CCDC27: variants seen among roughly 807,000 people sequenced by gnomAD.
The protein encoded by CCDC27 is coiled-coil domain-containing protein 27.
A neutral mutation model predicts 80.3 loss-of-function variants in CCDC27; 80 were observed. The ratio of observed to expected loss-of-function variants is 1.00; its 90% CI spans 0.83 to 1.20. The LOEUF (loss-of-function observed/expected upper bound fraction) is 1.20, where lower values mean the gene tolerates loss of function less well. Among genes scored for constraint, CCDC27 ranks in the 50% most tolerant of loss-of-function variants. The pLI is 0.00. For synonymous variants in CCDC27, 342 were observed against 334.3 expected (o/e 1.02, Z -0.25); for missense variants, 815 against 809.4 (o/e 1.01, Z -0.08).
At position 3,766,877 on chromosome 1, in the gene CCDC27, C is replaced by G. The variant is rs1021300479; in HGVS notation, c.1530+265C>G. Among the ~76,000 whole-genome samples the G allele has an allele frequency of 6.8e-6, 1 of 147,184 alleles. No individual in the cohort carries two copies. Among genetic ancestry groups the G allele is most frequent in the Non-Finnish European group, 1.5e-5 (1 of 67,102 alleles). On this transcript the variant is annotated intron_variant, in intron 9 of 11. Transcript: ENST00000294600. The surrounding 1 kb of genome is among the most constrained non-coding windows in gnomAD (Gnocchi z 6.1). ...TTTTTTTTGAGACAGAGTCCTGCTC[C>G]GTCACCAGGCTGGAGTGCAGTGGTG...
chr1:3,763,228 G>A lies in CCDC27; in HGVS notation c.1075G>A (p.Val359Met). The part of the protein sequence containing the change: ...GVEDTGAWGG[V>M]SQMGSVHEEG... ...GGAGGACACGGGTGCCTGGGGAGGTGTGAGCCAGATGGGATCCGTGCATGA... is the reference window on the plus strand; with the variant it reads ...GGAGGACACGGGTGCCTGGGGAGGTATGAGCCAGATGGGATCCGTGCATGA... The change falls in exon 7 of 12, where the codon GTG becomes ATG. Residue 359 changes from valine to methionine, a missense_variant. By Grantham distance (21) the Val-to-Met change is conservative (BLOSUM62 1). Coordinates refer to ENST00000294600, the MANE Select transcript of CCDC27 (RefSeq NM_152492.3). This position sits in a 1 kb window ranked among gnomAD's most constrained non-coding sequence, Gnocchi z 7.5. 5 of 1,549,436 alleles carry A rather than the reference G, an allele frequency of 3.2e-6. No homozygotes were observed. The highest frequency in any genetic ancestry group is 4.4e-6 in the Non-Finnish European group (5 of 1,144,944).
Position 3,762,659 on chromosome 1 carries a change from A to G in CCDC27, c.901A>G (p.Ser301Gly). ...SDASLKLGRL[S>G]LLKAFSRHEE... ...CGCTTCGCTGAAGCTGGGCAGGCTG[A>G]GCCTCCTGAAGGCCTTCTCCAGACA... Residue 301 changes from serine (S) to glycine (G), a missense_variant, in exon 6 of 12, where the codon AGC becomes GGC. Coordinates refer to ENST00000294600, the MANE Select transcript of CCDC27 (RefSeq NM_152492.3). 1 of 1,550,184 alleles carries G rather than the reference A, an allele frequency of 6.5e-7. No individual in the cohort carries two copies. The highest frequency in any genetic ancestry group is 8.7e-7 in the Non-Finnish European group (1 of 1,146,788).
At chr1:3,754,088 TTGTC>T (rs149705892) in intron 1 of CCDC27, 26 bp from the exon 2 acceptor site, 63,848 of 1,608,896 alleles carry the variant, frequency 0.04, 2,244 homozygotes, top group East Asian at 0.18. Context: ...GGGGCCTTCC[TTGTC>T]TGTCTTACTT....
chr1:3,763,983 G>A lies in CCDC27; in HGVS notation c.1452+147G>A, dbSNP rs1218341241. The A allele has an allele frequency of 1.5e-6, 2 of 1,371,326 alleles. No homozygotes were observed. Among genetic ancestry groups the A allele is most frequent in the Non-Finnish European group, 1.9e-6 (2 of 1,032,392 alleles). The allele number at this position is 1,371,326 out of a possible 1,614,324, so 84.9% of individuals were successfully genotyped here. On this transcript the variant is annotated intron_variant, in intron 8 of 11. Coordinates refer to ENST00000294600, the MANE Select transcript of CCDC27 (RefSeq NM_152492.3). The surrounding 1 kb of genome is among the most constrained non-coding windows in gnomAD (Gnocchi z 7.5). ...GTGTCCAGGCAGCTGGCCCAGGGTT[G>A]TGCGGCTGATAGCGGCCCCGCTAGG...
chr1:3,761,253 C>A lies in CCDC27; in HGVS notation c.712-28C>A, dbSNP rs750926114. On this transcript the variant is annotated intron_variant, in intron 4 of 11. Transcript: ENST00000294600. The surrounding 1 kb of genome is among the most constrained non-coding windows in gnomAD (Gnocchi z 5.0). ...GAAGAGTGTGTGGCTGCATGGCCCA[C>A]GGGGGCTGCCCTTGGTTTTCTGCCC... is the stretch of plus-strand genomic sequence containing the variant. 3.7e-6 allele frequency: 6 copies of A among 1,609,196 alleles called. No individual in the cohort carries two copies. Among genetic ancestry groups the A allele is most frequent in the Non-Finnish European group, 5.1e-6 (6 of 1,177,378 alleles).
rs572082866 is a variant in CCDC27, at chr1:3,760,993, G to C, written c.712-288G>C. ...ACACACCACGGGCCAGGTCCGAAAG[G>C]GAAGCTGCCTTGCAACTCCTCGGAC... On this transcript the variant is annotated intron_variant, in intron 4 of 11. Transcript: ENST00000294600. This position sits in a 1 kb window ranked among gnomAD's most constrained non-coding sequence, Gnocchi z 4.3. Among the ~76,000 whole-genome samples, 2 of 152,156 alleles carry C rather than the reference G, an allele frequency of 1.3e-5. No individual in the cohort carries two copies. The highest frequency in any genetic ancestry group is 2.9e-5 in the Non-Finnish European group (2 of 68,030).
chr1:3,753,760 A>G (rs1642879574), intron 1 of CCDC27, among the ~76,000 whole-genome samples: 1 of 152,124 alleles, frequency 6.6e-6, no homozygotes, highest in South Asian at 2.1e-4. Context: ...CCAGTGGGAG[A>G]GTGGCTTAGT....
chr1:3,768,893 G>A lies in CCDC27; in HGVS notation c.1744-890G>A, dbSNP rs745632694. 1.7e-3 allele frequency among the ~76,000 whole-genome samples: 266 copies of A among 152,244 alleles called. 2 individuals are homozygous for A. The highest frequency in any genetic ancestry group is 1.0e-3 in the African/African-American group (42 of 41,560). On this transcript the variant is annotated intron_variant, in intron 10 of 11. Coordinates refer to ENST00000294600, the MANE Select transcript of CCDC27 (RefSeq NM_152492.3). This position sits in a 1 kb window ranked among gnomAD's most constrained non-coding sequence, Gnocchi z 5.6. ...GCACGGTGTTTGTACAAAGTTGGGC[G>A]CTCAATAAATACTGGAAAGAAGGAA...
At chr1:3,759,358 T>C (rs537961652) in intron 4 of CCDC27, among the ~76,000 whole-genome samples, 17 of 152,358 alleles carry the variant, frequency 1.1e-4, no homozygotes, top group African/African-American at 3.8e-4. Flanking sequence ...CCTAAGGCTG[T>C]AAGTGGTACA....
rs1041966870 is a variant in CCDC27, at chr1:3,763,941, G to A, written c.1452+105G>A. The A allele has an allele frequency of 6.8e-7, 1 of 1,481,012 alleles. No individual in the cohort carries two copies. 91.7% of individuals were successfully genotyped at this position (1,481,012 alleles called of 1,614,324 possible). A position where few individuals can be genotyped will look rare whatever the true frequency, so the allele number is the denominator to read the frequency against. ...GCGCTGCCCGTCCCATCTACTGATG[G>A]AGACTTTGAGCCTGGGGTGTCCAGG... On this transcript the variant is annotated intron_variant, in intron 8 of 11. Coordinates refer to ENST00000294600, the MANE Select transcript of CCDC27 (RefSeq NM_152492.3). The surrounding 1 kb of genome is among the most constrained non-coding windows in gnomAD (Gnocchi z 7.5).
chr1:3,764,002 C>T (rs1006135812), intron 8 of CCDC27, among the ~76,000 whole-genome samples, 166 bp downstream of exon 8: 27 of 152,138 alleles, frequency 1.8e-4, no homozygotes, highest in Non-Finnish European at 1.6e-4. Flanking sequence ...ATAGCGGCCC[C>T]GCTAGGATTC....
chr1:3,763,639 G>A lies in CCDC27; in HGVS notation c.1322-67G>A, dbSNP rs568950763. 70 of 1,601,220 alleles carry A rather than the reference G, an allele frequency of 4.4e-5. No individual in the cohort carries two copies. The highest frequency in any genetic ancestry group is 3.3e-4 in the Admixed American group (20 of 59,786). ...GCCCTCCCAGCTGCCGCAGTGGCCC[G>A]GCCCTCTCCTTCTGTCCCTCACTGC... is the stretch of plus-strand genomic sequence containing the variant. On this transcript the variant is annotated intron_variant, in intron 7 of 11. Transcript: ENST00000294600. This position sits in a 1 kb window ranked among gnomAD's most constrained non-coding sequence, Gnocchi z 7.5.
chr1:3,758,769 C>T (rs930614503), intron 4 of CCDC27, among the ~76,000 whole-genome samples: 7 of 152,126 alleles, frequency 4.6e-5, no homozygotes, highest in Non-Finnish European at 7.4e-5. Context: ...TAATTTTTTT[C>T]GTTTTTTTGT....
At chr1:3,752,865 G>T in intron 1 of CCDC27, 66 bp downstream of exon 1, 1 of 1,506,092 alleles carries the variant, frequency 6.6e-7, no homozygotes. Context: ...CCTCCCCAAA[G>T]GCCCATAGAG....
intron 11 of CCDC27, among the ~76,000 whole-genome samples, chr1:3,770,911 G>A (rs1392337395): frequency 6.6e-6 from 1 of 152,168 alleles, no homozygotes; most frequent in Non-Finnish European, 1.5e-5. Context: ...GCTTGCCATA[G>A]CCTGACATGA....
chr1:3,767,277 C>T lies in CCDC27; in HGVS notation c.1575C>T (p.Val525=). The T allele has an allele frequency of 6.2e-7, 1 of 1,614,056 alleles. No individual in the cohort carries two copies. The highest frequency in any genetic ancestry group is 8.5e-7 in the Non-Finnish European group (1 of 1,180,016). ...LERKLTKRDC[V]ISELDTKVSQ... The stretch of plus-strand genomic sequence containing the variant: ...GAAAGCTCACCAAGCGGGACTGTGT[C>T]ATCTCAGAGTTGGACACCAAGGTCA... Residue 525 remains valine, a synonymous_variant, in exon 10 of 12, where the codon GTC becomes GTT. Transcript: ENST00000294600.
At chr1:3,771,211 GTTGT>G (rs1043622612) in intron 11 of CCDC27, among the ~76,000 whole-genome samples, 186 bp from the exon 12 acceptor site, 2 of 152,210 alleles carry the variant, frequency 1.3e-5, no homozygotes, top group Non-Finnish European at 2.9e-5. Context: ...AAAGCCGAGG[GTTGT>G]TTGTTTTTTC....
intron 11 of CCDC27, among the ~76,000 whole-genome samples, chr1:3,771,117 G>C (rs995175076): frequency 2.0e-5 from 3 of 152,164 alleles, no homozygotes; most frequent in Non-Finnish European, 4.4e-5. Flanking sequence ...ACCTGCCCCC[G>C]GCTCCGCATT....
intron 4 of CCDC27, among the ~76,000 whole-genome samples, chr1:3,758,211 G>T (rs1643006620): frequency 1.3e-5 from 2 of 152,094 alleles, no homozygotes; most frequent in Non-Finnish European, 2.9e-5. Flanking sequence ...TTATTTTTGA[G>T]ACAGAGTCTC....
Sources: gnomAD v4.1 joint callset for allele counts (sites outside exome capture counted in the v4.1 genomes callset) on GRCh38, gnomAD v4.1.1 for gene constraint, Gnocchi (gnomAD v3.1) non-coding constraint, MANE v1.5 for transcripts, NCBI Gene and HGNC (gene_info 2026-07-23, HGNC 2026-07-21) for gene names.